Variants in GTF3C1 observed in about 807,000 individuals in gnomAD.
GTF3C1 encodes general transcription factor 3C polypeptide 1.
A neutral mutation model predicts 226.7 loss-of-function variants in GTF3C1; 57 were observed. That is an observed-to-expected ratio of 0.25 (90% CI 0.20 to 0.31). The LOEUF is 0.31. GTF3C1 is among the 10% of genes least tolerant of loss of function. The probability of loss-of-function intolerance (pLI) is 1.00; values close to 1 mark genes in which losing one functional copy is unlikely to be tolerated. For missense variants in GTF3C1, 2,217 were observed against 2,776.1 expected (o/e 0.80, Z 4.53); for synonymous variants, 1,090 against 1,084.8 (o/e 1.00, Z -0.09).
chr16:27,497,456 A>G (rs2088336337), intron 14 of GTF3C1, among the ~76,000 whole-genome samples, 181 bp downstream of exon 14: 1 of 152,206 alleles, frequency 6.6e-6, no homozygotes, highest in African/African-American at 2.4e-5. Context: ...ATTTTTGCAG[A>G]TAGACAAACA....
chr16:27,537,853 A>G lies in GTF3C1; in HGVS notation c.683T>C (p.Val228Ala), dbSNP rs1649861676. 6.2e-7 allele frequency: 1 copy of G among 1,612,970 alleles called. No homozygotes were observed. Among genetic ancestry groups the G allele is most frequent in the East Asian group, 2.2e-5 (1 of 44,876 alleles). The part of the protein sequence containing the change: ...KNGLITMQSH[V>A]IRLPTGAQQH... Reference sequence around the variant, plus strand: ...CTGGGCTCCAGTGGGTAATCGGATCACATGGGACTGCATTGTAATCAGCCC... The same window carrying G: ...CTGGGCTCCAGTGGGTAATCGGATCGCATGGGACTGCATTGTAATCAGCCC... The change falls in exon 4 of 37, where the codon GTG becomes GCG. Residue 228 changes from valine to alanine, a missense_variant. Val to Ala is a moderately conservative substitution (Grantham distance 64). Around this residue, in one of 12 missense-constraint regions of GTF3C1, gnomAD observed 163 missense variants for 234.3 expected, o/e 0.70. Transcript: ENST00000356183.
chr16:27,486,244 G>A (rs1461427463), intron 23 of GTF3C1, 90 bp from the exon 24 acceptor site: 2 of 695,562 alleles, frequency 2.9e-6, no homozygotes, highest in Non-Finnish European at 5.1e-6. Context: ...TACCCAGCCA[G>A]TGAGATGTGA....
intron 6 of GTF3C1, among the ~76,000 whole-genome samples, chr16:27,519,649 G>C (rs1196900884): frequency 1.3e-5 from 2 of 152,172 alleles, no homozygotes; most frequent in Non-Finnish European, 2.9e-5. Flanking sequence ...CAAGGGACTT[G>C]TGCCTCTGTT....
Position 27,461,761 on chromosome 16 carries a change from G to C in GTF3C1, c.6118-199C>G, listed in dbSNP as rs2087709504. 1 of 595,868 alleles carries C rather than the reference G, an allele frequency of 1.7e-6. No homozygotes were observed. The highest frequency in any genetic ancestry group is 2.0e-5 in the South Asian group (1 of 50,582). 36.9% of individuals were successfully genotyped at this position (595,868 alleles called of 1,614,324 possible). ...GCCCTGGTGGGAGAGGCAGCTGCCT[G>C]AGCAGCACGTGTACAGCGCTGGCTG... On this transcript the variant is annotated intron_variant, in intron 36 of 36. Transcript: ENST00000356183. The surrounding 1 kb of genome is among the most constrained non-coding windows in gnomAD (Gnocchi z 5.3).
At chr16:27,516,546 G>A (rs2088661562) in intron 6 of GTF3C1, among the ~76,000 whole-genome samples, 1 of 152,218 alleles carries the variant, frequency 6.6e-6, no homozygotes, top group Non-Finnish European at 1.5e-5. Flanking sequence ...CGGCAAATAA[G>A]CCCTGTTTTA....
At position 27,489,614 on chromosome 16, in the gene GTF3C1, A is replaced by G. The variant is rs773622466; in HGVS notation, c.3281T>C (p.Leu1094Pro). ...KHNLERKCAM[L>P]EYTTGSREVV... ...GACGGACACGCACGTGGTGTACTCCAGCATGGCGCACTTGCGCTCCAGGTT... is the reference window on the plus strand; with the variant it reads ...GACGGACACGCACGTGGTGTACTCCGGCATGGCGCACTTGCGCTCCAGGTT... The change falls in exon 20 of 37, where the codon CTG (leucine) becomes CCG (proline). Residue 1094 changes from leucine (L) to proline (P), a missense_variant. By Grantham distance (98) the Leu-to-Pro change is moderately conservative. Coordinates refer to ENST00000356183, the MANE Select transcript of GTF3C1 (RefSeq NM_001520.4). 6.2e-7 allele frequency: 1 copy of G among 1,609,026 alleles called. No individual in the cohort carries two copies. The highest frequency in any genetic ancestry group is 8.5e-7 in the Non-Finnish European group (1 of 1,179,024).
rs375456487 is a variant in GTF3C1 at position 27,498,745 on chromosome 16, G to A, written c.2062-12C>T. 1 of 1,374,522 alleles carries A rather than the reference G, an allele frequency of 7.3e-7. No homozygotes were observed. The highest frequency in any genetic ancestry group is 1.0e-6 in the Non-Finnish European group (1 of 961,304). 85.1% of individuals were successfully genotyped at this position (1,374,522 alleles called of 1,614,324 possible). On this transcript the variant is annotated splice_polypyrimidine_tract_variant and intron_variant, in intron 12 of 36. Coordinates refer to ENST00000356183, the MANE Select transcript of GTF3C1 (RefSeq NM_001520.4). ...ACCACCAGATCCACCTGGAGAGAGAGGTTGGAGCATCCCACAGGGTGAGGG... is the reference window on the plus strand; with the variant it reads ...ACCACCAGATCCACCTGGAGAGAGAAGTTGGAGCATCCCACAGGGTGAGGG...
At chr16:27,493,617 AG>A (rs2088266041) in intron 16 of GTF3C1, among the ~76,000 whole-genome samples, 1 of 152,240 alleles carries the variant, frequency 6.6e-6, no homozygotes, top group African/African-American at 2.4e-5. Context: ...GATGAGATAG[AG>A]AACACGCGTT....
intron 2 of GTF3C1, among the ~76,000 whole-genome samples, chr16:27,538,835 C>T (rs905151470): frequency 1.3e-5 from 2 of 152,090 alleles, no homozygotes; most frequent in African/African-American, 4.8e-5. Flanking sequence ...TTATTCTCAT[C>T]ATTCAGGTCG....
chr16:27,478,191 GA>G lies in GTF3C1; in HGVS notation c.4259+277del, dbSNP rs934875029. Among the ~76,000 whole-genome samples the G allele has an allele frequency of 4.9e-3, 738 of 149,820 alleles. 6 individuals are homozygous for G. The highest frequency in any genetic ancestry group is 0.017 in the African/African-American group (679 of 40,844). ...ATCTCAAAAGAAAAAAAAAAGGAAA[GA>G]AAAAAAAAAGTTCTATGTGGATTTT... On this transcript the variant is annotated intron_variant, in intron 28 of 36. Transcript: ENST00000356183.
At chr16:27,504,270 T>C (rs1366205282) in intron 10 of GTF3C1, among the ~76,000 whole-genome samples, 1 of 152,104 alleles carries the variant, frequency 6.6e-6, no homozygotes, top group East Asian at 1.9e-4. Context: ...TCAGGGACTT[T>C]AAGACCTGGT....
intron 32 of GTF3C1, among the ~76,000 whole-genome samples, chr16:27,466,761 T>C (rs1434667234): frequency 6.6e-6 from 1 of 152,120 alleles, no homozygotes; most frequent in Non-Finnish European, 1.5e-5. Flanking sequence ...ACACAAACAA[T>C]AATAAAGCAA....
At chr16:27,495,001 C>T (rs1177738467) in intron 15 of GTF3C1, 93 bp from the exon 16 acceptor site, 10 of 1,126,792 alleles carry the variant, frequency 8.9e-6, no homozygotes, top group Non-Finnish European at 1.3e-5. Flanking sequence ...GTCTTGGTGT[C>T]TTTACCCCTA....
Position 27,481,072 on chromosome 16 carries a change from G to T in GTF3C1, c.4196+7C>A. ...GGCCACATGGAACCATCCCAGAAACGGCTTACCTGGCGAACAGCTCCTGGA... is the reference window on the plus strand; with the variant it reads ...GGCCACATGGAACCATCCCAGAAACTGCTTACCTGGCGAACAGCTCCTGGA... On this transcript the variant is annotated splice_region_variant and intron_variant, in intron 27 of 36. Coordinates refer to ENST00000356183, the MANE Select transcript of GTF3C1 (RefSeq NM_001520.4). The T allele has an allele frequency of 6.2e-7, 1 of 1,610,660 alleles. No individual in the cohort carries two copies. The highest frequency in any genetic ancestry group is 8.5e-7 in the Non-Finnish European group (1 of 1,176,856).
intron 6 of GTF3C1, among the ~76,000 whole-genome samples, chr16:27,519,869 G>A (rs967977839): frequency 1.3e-5 from 2 of 152,110 alleles, no homozygotes; most frequent in African/African-American, 4.8e-5. Flanking sequence ...CACTTTGGGA[G>A]GACAAGACAG....
At chr16:27,485,160 G>C (rs1004004862) in intron 24 of GTF3C1, among the ~76,000 whole-genome samples, 2 of 152,256 alleles carry the variant, frequency 1.3e-5, no homozygotes, top group Admixed American at 1.3e-4. Flanking sequence ...GGGGACAAGC[G>C]GTCAAGACAA....
At chr16:27,533,223 C>A (rs996638932) in intron 5 of GTF3C1, 68 bp downstream of exon 5, 5 of 760,442 alleles carry the variant, frequency 6.6e-6, no homozygotes, top group African/African-American at 1.7e-5. Context: ...TTCCTCTATG[C>A]CTGACAAGAC....
intron 6 of GTF3C1, among the ~76,000 whole-genome samples, chr16:27,517,701 A>T (rs2088680656): frequency 6.6e-6 from 1 of 152,238 alleles, no homozygotes; most frequent in Non-Finnish European, 1.5e-5. Flanking sequence ...GAAGAGAAAA[A>T]GAGAAGGAGT....
At chr16:27,497,481 T>A (rs770455848) in intron 14 of GTF3C1, among the ~76,000 whole-genome samples, 156 bp downstream of exon 14, 25 of 152,296 alleles carry the variant, frequency 1.6e-4, no homozygotes, top group Admixed American at 4.6e-4. Flanking sequence ...CTGGAAGAAG[T>A]TATGCGGCCA....
Sources: allele counts gnomAD v4.1 joint callset (sites outside exome capture counted in the v4.1 genomes callset), GRCh38; gene constraint gnomAD v4.1.1; regional missense constraint gnomAD v4.1.1; non-coding constraint Gnocchi (gnomAD v3.1); transcripts MANE v1.5; gene names NCBI Gene and HGNC (gene_info 2026-07-23, HGNC 2026-07-21).